Variants in SMYD3 observed in about 807,000 individuals in gnomAD.
SMYD3 encodes the protein SET and MYND domain containing 3, also known as histone-lysine N-methyltransferase SMYD3.
SMYD3 carries 36 observed loss-of-function variants against 57.7 expected under a neutral mutation model. That is an observed-to-expected ratio of 0.62 (90% confidence interval 0.48 to 0.82). The LOEUF is 0.82. Ranked by LOEUF, SMYD3 falls within the 40% of genes least tolerant of loss-of-function variation. The pLI, the probability that SMYD3 is intolerant of heterozygous loss-of-function variation, is 0.00. For missense variants in SMYD3, 515 were observed against 538.8 expected (o/e 0.96, Z 0.44); for synonymous variants, 211 against 195.0 (o/e 1.08, Z -0.68).
intron 10 of SMYD3, among the ~76,000 whole-genome samples, chr1:245,839,474 C>T (rs2148413670): frequency 6.6e-6 from 1 of 152,242 alleles, no homozygotes; most frequent in South Asian, 2.1e-4. Flanking sequence ...CAGCCCAGGC[C>T]AGCCTTTCTA....
At chr1:246,138,727 A>G (rs554655830) in intron 5 of SMYD3, among the ~76,000 whole-genome samples, 45 of 152,072 alleles carry the variant, frequency 3.0e-4, no homozygotes, top group African/African-American at 9.4e-4. Context: ...GCCCAGCCAA[A>G]AATTTATTTT....
intron 7 of SMYD3, among the ~76,000 whole-genome samples, chr1:245,927,620 A>G (rs1307526843): frequency 6.6e-6 from 1 of 152,192 alleles, no homozygotes; most frequent in Non-Finnish European, 1.5e-5. Context: ...AGGAGATTTC[A>G]TGAATTCCCT....
At chr1:245,915,255 C>T (rs1469162189) in intron 8 of SMYD3, among the ~76,000 whole-genome samples, 1 of 152,170 alleles carries the variant, frequency 6.6e-6, no homozygotes, top group African/African-American at 2.4e-5. Context: ...GGCCTTCACC[C>T]ATCCTTTTAA....
chr1:246,034,634 G>A (rs116083091), intron 5 of SMYD3: 1,629 of 154,712 alleles, frequency 0.011, 17 homozygotes, highest in Admixed American at 0.018. Context: ...AAGAGGTGGA[G>A]GTGAGCATGG....
intron 10 of SMYD3, among the ~76,000 whole-genome samples, chr1:245,832,571 A>G (rs184415975): frequency 6.6e-6 from 1 of 151,756 alleles, no homozygotes; most frequent in Non-Finnish European, 1.5e-5. Flanking sequence ...AAGAGCCTAC[A>G]TTTATCTAGA....
rs1303781138 is a variant in SMYD3, at chr1:245,901,241, G to A, written c.813+14289C>T. ...CCTTTAAGTCCCAGGGGTAAGTCCT[G>A]GGATAAGTCTCAGAGGCATATCTCT... On this transcript the variant is annotated intron_variant, in intron 8 of 11. Coordinates refer to ENST00000490107, the MANE Select transcript of SMYD3 (RefSeq NM_001167740.2). Among the ~76,000 whole-genome samples, 4 of 152,078 alleles carry A rather than the reference G, an allele frequency of 2.6e-5. No individual in the cohort carries two copies. In the East Asian group the frequency reaches 7.7e-4, roughly 29 times the overall value.
intron 10 of SMYD3, among the ~76,000 whole-genome samples, chr1:245,766,683 C>T (rs532776900): frequency 3.3e-5 from 5 of 152,250 alleles, no homozygotes; most frequent in South Asian, 2.1e-4. Flanking sequence ...ATTATTACTA[C>T]GAATGTAGCA....
intron 5 of SMYD3, among the ~76,000 whole-genome samples, chr1:246,118,710 C>T (rs1158836110): frequency 6.6e-6 from 1 of 151,776 alleles, no homozygotes; most frequent in African/African-American, 2.4e-5. Context: ...CCCATTCTCC[C>T]TTCTTCCTTG....
intron 5 of SMYD3, among the ~76,000 whole-genome samples, chr1:246,282,184 C>G (rs1013239765): frequency 4.0e-5 from 6 of 151,326 alleles, no homozygotes; most frequent in Admixed American, 1.3e-4. Context: ...AAATTGTTTC[C>G]TGGTCAGGTG....
At chr1:245,766,591 G>C (rs971894292) in intron 10 of SMYD3, among the ~76,000 whole-genome samples, 2 of 151,986 alleles carry the variant, frequency 1.3e-5, no homozygotes, top group Non-Finnish European at 2.9e-5. Context: ...CAGACAAAAG[G>C]CATAAGGGCA....
intron 10 of SMYD3, among the ~76,000 whole-genome samples, chr1:245,771,253 G>C (rs771901679): frequency 1.4e-4 from 21 of 152,028 alleles, no homozygotes; most frequent in Non-Finnish European, 1.3e-4. Flanking sequence ...CAATAATTCA[G>C]CAAAGGGAAA....
intron 5 of SMYD3, among the ~76,000 whole-genome samples, chr1:245,992,323 T>C (rs1393323853): frequency 6.6e-6 from 1 of 152,210 alleles, no homozygotes; most frequent in Non-Finnish European, 1.5e-5. Flanking sequence ...TCATATTCTA[T>C]TGGTCACACA....
chr1:246,166,232 A>G (rs1353206790), intron 5 of SMYD3, among the ~76,000 whole-genome samples: 4 of 152,214 alleles, frequency 2.6e-5, no homozygotes, highest in African/African-American at 9.6e-5. Flanking sequence ...ACTGAACGTG[A>G]AAAACCCTCT....
intron 5 of SMYD3, among the ~76,000 whole-genome samples, chr1:246,098,152 G>C (rs556677288): frequency 6.6e-6 from 1 of 152,062 alleles, no homozygotes; most frequent in African/African-American, 2.4e-5. Context: ...ATCTATACCC[G>C]CACCCAAAAA....
intron 2 of SMYD3, among the ~76,000 whole-genome samples, chr1:246,342,274 T>G (rs1022056837): frequency 6.6e-6 from 1 of 152,160 alleles, no homozygotes. Flanking sequence ...CAGGACTTAC[T>G]CCACTCACAA....
At chr1:246,243,460 T>C (rs10924611) in intron 5 of SMYD3, among the ~76,000 whole-genome samples, 27,738 of 133,740 alleles carry the variant, frequency 0.21, 3,769 homozygotes, top group East Asian at 0.46. Context: ...GTGAATAATG[T>C]TTTTATCATT....
intron 1 of SMYD3, among the ~76,000 whole-genome samples, chr1:246,357,351 C>T (rs1199707147): frequency 2.0e-5 from 3 of 152,166 alleles, no homozygotes; most frequent in South Asian, 2.1e-4. Flanking sequence ...CACTGTTACA[C>T]TCCCATCAGT....
chr1:246,371,997 A>C, intron 1 of SMYD3, among the ~76,000 whole-genome samples: 1 of 152,214 alleles, frequency 6.6e-6, no homozygotes, highest in East Asian at 1.9e-4. Context: ...ACAAAATCTC[A>C]ATTAATTCAT....
intron 5 of SMYD3, among the ~76,000 whole-genome samples, chr1:246,067,195 T>C (rs1410590223): frequency 1.3e-5 from 2 of 152,172 alleles, no homozygotes; most frequent in African/African-American, 2.4e-5. Context: ...CAAGTAAATA[T>C]TGTCATCAAG....
Sources: gnomAD v4.1 joint callset for allele counts (sites outside exome capture counted in the v4.1 genomes callset) on GRCh38, gnomAD v4.1.1 for gene constraint, MANE v1.5 for transcripts, NCBI Gene and HGNC (gene_info 2026-07-23, HGNC 2026-07-21) for gene names.